The following PCDHGB4 variants were observed in gnomAD, a reference collection of about 807,000 sequenced individuals.
PCDHGB4 encodes protocadherin gamma subfamily B, 4.
PCDHGB4 carries 38 observed loss-of-function variants against 60.5 expected under a neutral mutation model. The observed-to-expected ratio is 0.63, with a 90% CI of 0.48 to 0.82. The LOEUF is 0.82. Among genes scored for constraint, PCDHGB4 ranks in the 40% least tolerant of loss-of-function variants. The pLI is 0.00. For missense variants in PCDHGB4, 1,109 were observed against 1,209.6 expected (o/e 0.92, Z 1.23); for synonymous variants, 456 against 509.7 (o/e 0.89, Z 1.42).
intron 1 of PCDHGB4, chr5:141,400,037 G>T (rs778871485): frequency 3.1e-6 from 5 of 1,613,132 alleles, no homozygotes; most frequent in Admixed American, 1.7e-5. Flanking sequence ...GCCCGCCAGC[G>T]CCTGCTGGTT....
Position 141,485,813 on chromosome 5 carries a change from G to A in PCDHGB4, c.2398-8994G>A. The A allele has an allele frequency of 1.9e-6, 3 of 1,614,078 alleles. No individual in the cohort carries two copies. Among genetic ancestry groups the A allele is most frequent in the Non-Finnish European group, 2.5e-6 (3 of 1,180,008 alleles). On this transcript the variant is annotated intron_variant, in intron 1 of 3. Coordinates refer to ENST00000519479, the MANE Select transcript of PCDHGB4 (RefSeq NM_003736.4). This position sits in a 1 kb window ranked among gnomAD's most constrained non-coding sequence, Gnocchi z 5.7. ...ATCGGACTACCGCCTGGTGCTGACT[G>A]CTGTCGATGGAGGGAACCCGCCGAG... is the stretch of plus-strand genomic sequence containing the variant.
intron 1 of PCDHGB4, chr5:141,418,506 ATGG>A (rs2096264933): frequency 6.2e-7 from 1 of 1,613,860 alleles, no homozygotes; most frequent in African/African-American, 1.3e-5. Context: ...ACCGCCTTAG[ATGG>A]TGGGGACCCT....
intron 1 of PCDHGB4, chr5:141,427,440 G>C (rs747459662): frequency 4.2e-6 from 2 of 477,366 alleles, no homozygotes; most frequent in African/African-American, 2.0e-5. Flanking sequence ...CCTCATAAAC[G>C]AAAGAGTTCC....
intron 3 of PCDHGB4, 120 bp downstream of exon 3, chr5:141,505,601 C>T (rs1171679451): frequency 6.4e-7 from 1 of 1,550,630 alleles, no homozygotes; most frequent in Non-Finnish European, 8.7e-7. Flanking sequence ...GATCTTTCGG[C>T]AGGTCTGAAA....
rs191916514 is a variant in PCDHGB4, at chr5:141,456,716, G to A, written c.2398-38091G>A. 3.9e-3 allele frequency among the ~76,000 whole-genome samples: 589 copies of A among 152,314 alleles called. 5 individuals carry two copies. Among genetic ancestry groups the A allele is most frequent in the Admixed American group, 0.011 (169 of 15,300 alleles). On this transcript the variant is annotated intron_variant, in intron 1 of 3. Transcript: ENST00000519479. ...GTGGTGGCTCGCGCCTGTAATCCCA[G>A]CACTTTGGGAGGCTGAGGCGGGAGC...
Position 141,431,758 on chromosome 5 carries a change from C to T in PCDHGB4, c.2397+41477C>T. Reference sequence around the variant, plus strand: ...CAGGATATTCTGCGCGAGCCAAAGTCCTGATCACTGTTCTGGACGTGAACG... The same window carrying T: ...CAGGATATTCTGCGCGAGCCAAAGTTCTGATCACTGTTCTGGACGTGAACG... On this transcript the variant is annotated intron_variant, in intron 1 of 3. Transcript: ENST00000519479. This position sits in a 1 kb window ranked among gnomAD's most constrained non-coding sequence, Gnocchi z 4.8. 1.9e-6 allele frequency: 3 copies of T among 1,614,172 alleles called. No homozygotes were observed. The highest frequency in any genetic ancestry group is 1.7e-6 in the Non-Finnish European group (2 of 1,180,020).
Position 141,408,306 on chromosome 5 carries a change from A to C in PCDHGB4, c.2397+18025A>C, listed in dbSNP as rs866086431. On this transcript the variant is annotated intron_variant, in intron 1 of 3. Transcript: ENST00000519479. Reference sequence around the variant, plus strand: ...CCCACCCTGAGTGAGCCGATCCGCTACTCGATTCCGGAGGAGCTGGCCAAG... The same window carrying C: ...CCCACCCTGAGTGAGCCGATCCGCTCCTCGATTCCGGAGGAGCTGGCCAAG... The C allele has an allele frequency of 1.2e-6, 2 of 1,613,586 alleles. No homozygotes were observed. Among genetic ancestry groups the C allele is most frequent in the South Asian group, 1.1e-5 (1 of 91,062 alleles).
At chr5:141,458,617 T>A (rs1392739721) in intron 1 of PCDHGB4, among the ~76,000 whole-genome samples, 6 of 152,170 alleles carry the variant, frequency 3.9e-5, no homozygotes, top group Non-Finnish European at 8.8e-5. Flanking sequence ...TCAGCCAGGC[T>A]GGAGTGCAGT....
intron 1 of PCDHGB4, chr5:141,395,179 A>C: frequency 6.2e-7 from 1 of 1,614,164 alleles, no homozygotes; most frequent in South Asian, 1.1e-5. Flanking sequence ...GAGAAAAATG[A>C]TTCTTTGTTA....
At chr5:141,459,263 C>T (rs2098964603) in intron 1 of PCDHGB4, among the ~76,000 whole-genome samples, 1 of 152,176 alleles carries the variant, frequency 6.6e-6, no homozygotes, top group South Asian at 2.1e-4. Flanking sequence ...ATTAGTGTTG[C>T]CTCTTTCAGA....
At chr5:141,390,732 G>T in intron 1 of PCDHGB4, 1 of 194,114 alleles carries the variant, frequency 5.2e-6, no homozygotes, top group Non-Finnish European at 1.1e-5. Context: ...TAACTGGTAT[G>T]GTCTCCATAG....
At chr5:141,440,275 T>C (rs913705052) in intron 1 of PCDHGB4, 14 of 152,120 alleles carry the variant, frequency 9.2e-5, no homozygotes, top group African/African-American at 3.1e-4. Flanking sequence ...GAGACCAGCC[T>C]GACCAACATA....
chr5:141,471,564 T>C (rs1352708320), intron 1 of PCDHGB4: 1 of 152,184 alleles, frequency 6.6e-6, no homozygotes, highest in African/African-American at 2.4e-5. Context: ...GACTCAGGGG[T>C]AGCAGTAGAT....
chr5:141,444,494 A>G (rs892854259), intron 1 of PCDHGB4, among the ~76,000 whole-genome samples: 1 of 152,010 alleles, frequency 6.6e-6, no homozygotes, highest in Admixed American at 6.6e-5. Flanking sequence ...ATATTGTGTA[A>G]TACTTTGCTC....
chr5:141,477,835 T>G lies in PCDHGB4; in HGVS notation c.2398-16972T>G. ...CCCAGGTCCTATATCCTCGGCCAGG[T>G]GGGAGCTCGGTGGAGATGCTGCCTC... On this transcript the variant is annotated intron_variant, in intron 1 of 3. Coordinates refer to ENST00000519479, the MANE Select transcript of PCDHGB4 (RefSeq NM_003736.4). This position sits in a 1 kb window ranked among gnomAD's most constrained non-coding sequence, Gnocchi z 4.9. The G allele has an allele frequency of 6.2e-7, 1 of 1,614,090 alleles. No individual in the cohort carries two copies. Among genetic ancestry groups the G allele is most frequent in the South Asian group, 1.1e-5 (1 of 91,072 alleles).
At chr5:141,396,410 G>C (rs2093377441) in intron 1 of PCDHGB4, 1 of 152,250 alleles carries the variant, frequency 6.6e-6, no homozygotes, top group Non-Finnish European at 1.5e-5. Context: ...CCTGAGGTCA[G>C]GAGTTCAAGA....
At chr5:141,472,980 CAAAAAAA>C (rs60579131) in intron 1 of PCDHGB4, among the ~76,000 whole-genome samples, 1 of 86,108 alleles carries the variant, frequency 1.2e-5, no homozygotes, top group East Asian at 4.1e-4. Context: ...GAGTGAAACT[CAAAAAAA>C]AAAAAAAAAA....
intron 1 of PCDHGB4, chr5:141,393,928 A>G: frequency 2.5e-6 from 4 of 1,614,004 alleles, no homozygotes; most frequent in South Asian, 2.2e-5. Flanking sequence ...TTGAGTGTGC[A>G]TGACCAAGAC....
chr5:141,486,322 A>G lies in PCDHGB4; in HGVS notation c.2398-8485A>G. The G allele has an allele frequency of 1.9e-6, 3 of 1,613,926 alleles. No homozygotes were observed. The highest frequency in any genetic ancestry group is 2.5e-6 in the Non-Finnish European group (3 of 1,179,962). On this transcript the variant is annotated intron_variant, in intron 1 of 3. Coordinates refer to ENST00000519479, the MANE Select transcript of PCDHGB4 (RefSeq NM_003736.4). This position sits in a 1 kb window ranked among gnomAD's most constrained non-coding sequence, Gnocchi z 5.0. ...AGGATCCAGACTCAGGGTCAAACGG[A>G]GATGTGAGCCTCCGCATTCCTGACC...
Sources: gnomAD v4.1 joint callset for allele counts (sites outside exome capture counted in the v4.1 genomes callset) on GRCh38, gnomAD v4.1.1 for gene constraint, Gnocchi (gnomAD v3.1) non-coding constraint, MANE v1.5 for transcripts, NCBI Gene and HGNC (gene_info 2026-07-23, HGNC 2026-07-21) for gene names.